Variants in CDK2AP1 observed in about 807,000 individuals in gnomAD.
The protein encoded by CDK2AP1 is cyclin dependent kinase 2 associated protein 1.
A neutral mutation model predicts 14.1 loss-of-function variants in CDK2AP1; 10 were observed. The ratio of observed to expected loss-of-function variants is 0.71; its 90% CI spans 0.44 to 1.20. CDK2AP1 has a LOEUF of 1.20. CDK2AP1 is among the 50% of genes most tolerant of loss of function. The probability of loss-of-function intolerance (pLI) is 0.00; values close to 1 mark genes in which losing one functional copy is unlikely to be tolerated. For missense variants in CDK2AP1, 102 were observed against 149.9 expected, an observed-to-expected ratio of 0.68 and a Z score of 1.67; for synonymous variants, 59 against 59.8, an observed-to-expected ratio of 0.99 and a Z score of 0.06.
chr12:123,261,480 T>C lies in CDK2AP1; in HGVS notation c.*256A>G, dbSNP rs11539605. ...ACTACAGTTTGCTGTAAGATAACTT[T>C]CCGTGCATCTTTTAAATCAATGCTT... On this transcript the variant is annotated 3_prime_UTR_variant, in exon 4 of 4. Transcript: ENST00000261692. The C allele has an allele frequency of 6.2e-3, 2,622 of 422,772 alleles. 40 individuals carry two copies. Among genetic ancestry groups the C allele is most frequent in the South Asian group, 0.037 (1,329 of 35,966 alleles). 26.2% of individuals were successfully genotyped at this position (422,772 alleles called of 1,614,324 possible).
intron 1 of CDK2AP1, among the ~76,000 whole-genome samples, chr12:123,268,731 G>C (rs1198841672): frequency 6.6e-6 from 1 of 152,216 alleles, no homozygotes; most frequent in Admixed American, 6.5e-5. Flanking sequence ...GGGGCGGGTT[G>C]CTTGGGAGGG....
In CDK2AP1 at chr12:123,265,490, G is replaced by A. The variant is rs559988233; in HGVS notation, c.154-168C>T. Among the ~76,000 whole-genome samples the A allele has an allele frequency of 7.5e-5, 11 of 145,912 alleles. No individual in the cohort carries two copies. The highest frequency in any genetic ancestry group is 2.8e-4 in the Admixed American group (4 of 14,104). Reference sequence around the variant, plus strand: ...TGCACTCCAGCCTGGGCAACAGAGCGAGACTCCATCTCGGGGGAAAAAAAA... The same window carrying A: ...TGCACTCCAGCCTGGGCAACAGAGCAAGACTCCATCTCGGGGGAAAAAAAA... On this transcript the variant is annotated intron_variant, in intron 2 of 3. Coordinates refer to ENST00000261692, the MANE Select transcript of CDK2AP1 (RefSeq NM_004642.4). The surrounding 1 kb of genome is among the most constrained non-coding windows in gnomAD (Gnocchi z 5.3).
chr12:123,268,135 G>C (rs2048316463), intron 1 of CDK2AP1: 1 of 951,652 alleles, frequency 1.1e-6, no homozygotes, highest in African/African-American at 1.8e-5. Flanking sequence ...ATATCCTGCA[G>C]AATGACAAAC....
intron 1 of CDK2AP1, among the ~76,000 whole-genome samples, chr12:123,269,671 C>T (rs1003891429): frequency 1.3e-5 from 2 of 152,086 alleles, no homozygotes; most frequent in African/African-American, 2.4e-5. Flanking sequence ...ACTTGGGGCG[C>T]CTGGGGGGCT....
intron 1 of CDK2AP1, chr12:123,270,867 T>C: frequency 1.0e-6 from 1 of 984,116 alleles, no homozygotes; most frequent in Non-Finnish European, 1.2e-6. Flanking sequence ...CTGCGCCAAC[T>C]TCGTTCACTC....
intron 3 of CDK2AP1, among the ~76,000 whole-genome samples, chr12:123,262,931 A>T (rs1287783281): frequency 1.3e-5 from 2 of 151,400 alleles, no homozygotes; most frequent in African/African-American, 4.9e-5. Flanking sequence ...ATTAAGAACC[A>T]TGCCTGTCGC....
chr12:123,267,988 G>A lies in CDK2AP1; in HGVS notation c.56-706C>T, dbSNP rs564547758. On this transcript the variant is annotated intron_variant, in intron 1 of 3. Transcript: ENST00000261692. ...GGCCCCACATATGGGATGCAACATTGGGGCCTGTCCAGAGCTGCAGTCAGT... is the reference window on the plus strand; with the variant it reads ...GGCCCCACATATGGGATGCAACATTAGGGCCTGTCCAGAGCTGCAGTCAGT... 1.9e-5 allele frequency: 3 copies of A among 159,960 alleles called. No individual in the cohort carries two copies. The Admixed American group carries it at 2.0e-4, about 10-fold the overall frequency. The allele number at this position is 159,960 out of a possible 1,614,324, so 9.9% of individuals were successfully genotyped here.
intron 1 of CDK2AP1, 81 bp downstream of exon 1, chr12:123,271,483 C>A: frequency 1.2e-6 from 1 of 805,642 alleles, no homozygotes; most frequent in South Asian, 5.4e-5. Flanking sequence ...CGCGGGCGCC[C>A]CGGGCATCCC....
intron 1 of CDK2AP1, among the ~76,000 whole-genome samples, chr12:123,268,859 A>G (rs1301068743): frequency 6.6e-6 from 1 of 152,132 alleles, no homozygotes; most frequent in African/African-American, 2.4e-5. Flanking sequence ...TGAGCTTCTG[A>G]TGTGGCAGCA....
At chr12:123,268,614 T>G (rs992241222) in intron 1 of CDK2AP1, among the ~76,000 whole-genome samples, 8 of 152,230 alleles carry the variant, frequency 5.3e-5, no homozygotes, top group African/African-American at 1.9e-4. Flanking sequence ...AAACGTGGAC[T>G]TGGATCCTGA....
At chr12:123,263,746 C>G (rs2048258038) in intron 3 of CDK2AP1, among the ~76,000 whole-genome samples, 1 of 152,236 alleles carries the variant, frequency 6.6e-6, no homozygotes, top group East Asian at 1.9e-4. Context: ...AACTGGCCCT[C>G]GTGTCACTGG....
At chr12:123,271,989 G>T (rs1014493032), upstream of CDK2AP1, 14 of 147,328 alleles carry the variant, frequency 9.5e-5, no homozygotes, top group African/African-American at 2.9e-4. Flanking sequence ...GGGGGCTGGG[G>T]TCCCGGCGGC....
intron 1 of CDK2AP1, among the ~76,000 whole-genome samples, chr12:123,270,732 G>A (rs1052508176): frequency 2.3e-4 from 35 of 152,008 alleles, no homozygotes; most frequent in African/African-American, 8.2e-4. Context: ...CAGGAAGCTT[G>A]AGGGGAGCCC....
intron 1 of CDK2AP1, chr12:123,271,135 G>C: frequency 3.5e-6 from 2 of 576,024 alleles, no homozygotes; most frequent in Non-Finnish European, 4.4e-6. Context: ...GCTGCTTCAC[G>C]ACCCCGCTCC....
rs1167157405 is a variant in CDK2AP1 at position 123,264,462 on chromosome 12, C to CAAAAAAAAAAAAAAAA, written c.280+718_280+733dup. Among the ~76,000 whole-genome samples the CAAAAAAAAAAAAAAAA allele has an allele frequency of 1.1e-3, 77 of 69,858 alleles. 1 individual carries two copies. The highest frequency in any genetic ancestry group is 2.2e-3 in the African/African-American group (30 of 13,900). The allele number at this position is 69,858 out of a possible 152,430, so 45.8% of individuals were successfully genotyped here. A position where few individuals can be genotyped will look rare whatever the true frequency, so the allele number is the denominator to read the frequency against. ...GCAACAAGAGTAAAACTCCGTCTCC[C>CAAAAAAAAAAAAAAAA]AAAAAAAAAAAAAAAAAAAAAAAAA... is the stretch of plus-strand genomic sequence containing the variant. On this transcript the variant is annotated intron_variant, in intron 3 of 3. Transcript: ENST00000261692.
At chr12:123,263,661 T>C (rs574855607) in intron 3 of CDK2AP1, among the ~76,000 whole-genome samples, 6 of 152,276 alleles carry the variant, frequency 3.9e-5, no homozygotes, top group African/African-American at 1.4e-4. Context: ...CAACCTAGCT[T>C]TGAGACCCGT....
At chr12:123,264,428 C>A (rs905627904) in intron 3 of CDK2AP1, among the ~76,000 whole-genome samples, 20 of 135,168 alleles carry the variant, frequency 1.5e-4, no homozygotes, top group Admixed American at 2.5e-4. Context: ...CCACTGCACT[C>A]CAGCCTGGGC....
intron 3 of CDK2AP1, among the ~76,000 whole-genome samples, chr12:123,263,092 T>G (rs1379678959): frequency 6.6e-6 from 1 of 150,396 alleles, no homozygotes. Context: ...TGGGCGCCTA[T>G]AATCCCAGCT....
intron 1 of CDK2AP1, among the ~76,000 whole-genome samples, chr12:123,268,947 G>C (rs1438785230): frequency 6.6e-6 from 1 of 152,150 alleles, no homozygotes; most frequent in Admixed American, 6.5e-5. Flanking sequence ...TCTGGCTCCA[G>C]GGCCAGTCGC....
Sources: gnomAD v4.1 joint callset for allele counts (sites outside exome capture counted in the v4.1 genomes callset) on GRCh38, gnomAD v4.1.1 for gene constraint, Gnocchi (gnomAD v3.1) non-coding constraint, MANE v1.5 for transcripts, NCBI Gene and HGNC (gene_info 2026-07-23, HGNC 2026-07-21) for gene names.